Variants in TMEM167A observed in about 807,000 individuals in gnomAD.
TMEM167A encodes transmembrane protein 167A.
Under a neutral mutation model 11.6 loss-of-function variants are expected in TMEM167A, and 8 were observed. That is an observed-to-expected ratio of 0.69 (90% CI 0.40 to 1.24). The LOEUF is 1.24. Ranked by LOEUF, TMEM167A falls within the 50% of genes most tolerant of loss-of-function variation. TMEM167A has a pLI of 0.01. For missense variants in TMEM167A, 62 were observed against 87.0 expected, an observed-to-expected ratio of 0.71 and a Z score of 1.14; for synonymous variants, 22 against 28.0, an observed-to-expected ratio of 0.79 and a Z score of 0.67.
chr5:83,057,217 TTA>T, intron 3 of TMEM167A, 63 bp from the exon 4 acceptor site: 1 of 1,437,742 alleles, frequency 7.0e-7, no homozygotes. Flanking sequence ...TATGACAAGG[TTA>T]TACTACCATA....
chr5:83,061,394 G>T (rs112646520), intron 3 of TMEM167A, among the ~76,000 whole-genome samples: 397 of 151,784 alleles, frequency 2.6e-3, no homozygotes, highest in African/African-American at 8.8e-3. Flanking sequence ...TAATGAAGTA[G>T]CCACCAAATC....
intron 2 of TMEM167A, among the ~76,000 whole-genome samples, chr5:83,063,684 C>A (rs780690567): frequency 9.9e-5 from 15 of 151,760 alleles, no homozygotes; most frequent in Non-Finnish European, 2.1e-4. Context: ...TCTGTAATAC[C>A]CCAATTTTAC....
At chr5:83,075,839 T>C (rs1291087362) in intron 1 of TMEM167A, among the ~76,000 whole-genome samples, 1 of 152,110 alleles carries the variant, frequency 6.6e-6, no homozygotes, top group Non-Finnish European at 1.5e-5. Flanking sequence ...AGATGCGAAC[T>C]CAAAGATACT....
At chr5:83,065,167 G>T in intron 1 of TMEM167A, 50 bp from the exon 2 acceptor site, 2 of 1,180,318 alleles carry the variant, frequency 1.7e-6, no homozygotes, top group South Asian at 1.4e-5. Flanking sequence ...AAACTGCATA[G>T]GTAAAAAATG....
intron 3 of TMEM167A, among the ~76,000 whole-genome samples, chr5:83,059,502 G>A (rs1283165896): frequency 6.7e-6 from 1 of 148,352 alleles, no homozygotes; most frequent in African/African-American, 2.6e-5. Context: ...CTTAACCACT[G>A]TTTCTTGGCC....
At chr5:83,077,274 A>T (rs199719006) in intron 1 of TMEM167A, 47 bp downstream of exon 1, 1 of 1,614,000 alleles carries the variant, frequency 6.2e-7, no homozygotes, top group Non-Finnish European at 8.5e-7. Context: ...CTAGATCCAC[A>T]ACCCCTTCTC....
intron 1 of TMEM167A, among the ~76,000 whole-genome samples, chr5:83,073,141 T>C (rs1352995376): frequency 6.6e-6 from 1 of 152,240 alleles, no homozygotes; most frequent in Non-Finnish European, 1.5e-5. Context: ...AGCTCTGCTA[T>C]TTATAAGCAG....
chr5:83,070,811 C>T lies in TMEM167A; in HGVS notation c.4-5694G>A, dbSNP rs556285064. Among the ~76,000 whole-genome samples, 184 of 152,018 alleles carry T rather than the reference C, an allele frequency of 1.2e-3. 1 individual carries two copies. The highest frequency in any genetic ancestry group is 8.3e-3 in the South Asian group (40 of 4,826). On this transcript the variant is annotated intron_variant, in intron 1 of 3. Transcript: ENST00000502346. ...TGAACACTAAAATTATATTCATTAA[C>T]TCTGATTATAAGTAAGAATTCAATA...
intron 1 of TMEM167A, among the ~76,000 whole-genome samples, chr5:83,073,404 G>A (rs759561513): frequency 9.2e-5 from 14 of 152,152 alleles, no homozygotes; most frequent in Admixed American, 7.2e-4. Flanking sequence ...AGTTCCGATG[G>A]CATATTTCTA....
chr5:83,075,209 C>T (rs1395392330), intron 1 of TMEM167A, among the ~76,000 whole-genome samples: 1 of 151,928 alleles, frequency 6.6e-6, no homozygotes, highest in Non-Finnish European at 1.5e-5. Context: ...TGGAAGTATA[C>T]ATATGAACTA....
intron 1 of TMEM167A, among the ~76,000 whole-genome samples, chr5:83,069,689 G>T (rs912406627): frequency 8.6e-5 from 13 of 152,014 alleles, no homozygotes; most frequent in African/African-American, 2.7e-4. Flanking sequence ...ACATAACAAT[G>T]TGTATGTTAT....
intron 3 of TMEM167A, among the ~76,000 whole-genome samples, chr5:83,060,844 A>G (rs1339192128): frequency 6.6e-6 from 1 of 152,078 alleles, no homozygotes; most frequent in Non-Finnish European, 1.5e-5. Flanking sequence ...AAAAAAAAAA[A>G]ATACTGATGA....
At chr5:83,069,087 A>C (rs1343964554) in intron 1 of TMEM167A, among the ~76,000 whole-genome samples, 2 of 152,244 alleles carry the variant, frequency 1.3e-5, no homozygotes, top group African/African-American at 4.8e-5. Context: ...TTTACAAAAG[A>C]AAACCATTTA....
At chr5:83,061,607 C>G (rs1744407751) in intron 3 of TMEM167A, among the ~76,000 whole-genome samples, 1 of 152,168 alleles carries the variant, frequency 6.6e-6, no homozygotes, top group East Asian at 1.9e-4. Flanking sequence ...GTTGGCCAGA[C>G]TGGTCTCAAA....
In TMEM167A at chr5:83,053,355, G is replaced by A. The variant is rs2112234405; in HGVS notation, c.*3729C>T. The A allele has an allele frequency of 6.6e-6, 1 of 151,926 alleles. No homozygotes were observed. Among genetic ancestry groups the A allele is most frequent in the East Asian group, 1.9e-4 (1 of 5,162 alleles). The allele number at this position is 151,926 out of a possible 1,614,324, so 9.4% of individuals were successfully genotyped here. ...GCAGGTGTGTGCTTTAACAATCAGG[G>A]CTGCTTTTGGTATCAAGAGTATGAG... is the stretch of plus-strand genomic sequence containing the variant. On this transcript the variant is annotated 3_prime_UTR_variant, in exon 4 of 4. Coordinates refer to ENST00000502346, the MANE Select transcript of TMEM167A (RefSeq NM_174909.5).
intron 1 of TMEM167A, among the ~76,000 whole-genome samples, chr5:83,073,181 C>T (rs753949369): frequency 1.3e-5 from 2 of 152,184 alleles, no homozygotes; most frequent in Non-Finnish European, 2.9e-5. Flanking sequence ...CTTGGCTCTC[C>T]GCATCTGTTT....
chr5:83,072,685 A>C (rs1744580412), intron 1 of TMEM167A, among the ~76,000 whole-genome samples: 1 of 152,010 alleles, frequency 6.6e-6, no homozygotes, highest in Non-Finnish European at 1.5e-5. Flanking sequence ...CACGCCACCA[A>C]GCCCGGCTAG....
intron 2 of TMEM167A, among the ~76,000 whole-genome samples, chr5:83,063,534 A>T (rs1744435581): frequency 6.6e-6 from 1 of 152,110 alleles, no homozygotes; most frequent in South Asian, 2.1e-4. Context: ...AGAAGTAACA[A>T]AATATCATTA....
intron 1 of TMEM167A, 80 bp downstream of exon 1, chr5:83,077,241 G>A: frequency 6.8e-6 from 11 of 1,608,684 alleles, no homozygotes; most frequent in Non-Finnish European, 9.4e-6. Flanking sequence ...ACCCCGGGCT[G>A]CCGCACAAAC....
Sources: allele counts gnomAD v4.1 joint callset (sites outside exome capture counted in the v4.1 genomes callset), GRCh38; gene constraint gnomAD v4.1.1; transcripts MANE v1.5; gene names NCBI Gene and HGNC (gene_info 2026-07-23, HGNC 2026-07-21).